Variants in IL12B observed in about 807,000 individuals in gnomAD.
IL12B encodes the protein interleukin 12B, also known as interleukin-12 subunit beta.
IL12B carries 27 observed loss-of-function variants against 39.2 expected under a neutral mutation model. The observed-to-expected ratio is 0.69, with a 90% CI of 0.51 to 0.95. The LOEUF is 0.95. Among genes scored for constraint, IL12B ranks in the 40% least tolerant of loss-of-function variants. The pLI is 0.00. For synonymous variants in IL12B, 142 were observed against 152.1 expected, an observed-to-expected ratio of 0.93 and a Z score of 0.49; for missense variants, 351 against 397.6, an observed-to-expected ratio of 0.88 and a Z score of 1.00.
chr5:159,318,155 A>G (rs1754019195), intron 6 of IL12B: 1 of 157,920 alleles, frequency 6.3e-6, no homozygotes, highest in South Asian at 1.9e-4. Context: ...ACCTTGCCAC[A>G]GTTTCTGGAA....
Position 159,324,119 on chromosome 5 carries a change from T to TA in IL12B, c.89-791_89-790insT, listed in dbSNP as rs1754149768. ...GCATTATTATTATTATTATTATTAT[T>TA]TTTAGCTATCTTACACTCTTATGAA... On this transcript the variant is annotated intron_variant, in intron 2 of 7. Transcript: ENST00000231228. Among the ~76,000 whole-genome samples the TA allele has an allele frequency of 3.3e-5, 5 of 151,464 alleles. 1 individual carries two copies. Among genetic ancestry groups the TA allele is most frequent in the South Asian group, 2.1e-4 (1 of 4,788 alleles).
chr5:159,326,769 T>A lies in IL12B; in HGVS notation c.14A>T (p.Gln5Leu). The stretch of plus-strand genomic sequence containing the variant: ...CAGGGAAAACCAAGAGATGACCAAC[T>A]GCTGGTGACACATCTATAAGAAGGG... MCHQ[Q>L]LVISWFSLVF... Residue 5 changes from glutamine (Q) to leucine (L), a missense_variant, in exon 2 of 8, where the codon CAG (glutamine) becomes CTG (leucine). Gln to Leu is a moderately radical substitution (Grantham distance 113, BLOSUM62 -2). Transcript: ENST00000231228. 6.2e-7 allele frequency: 1 copy of A among 1,609,034 alleles called. No individual in the cohort carries two copies. The highest frequency in any genetic ancestry group is 8.5e-7 in the Non-Finnish European group (1 of 1,175,638).
chr5:159,322,273 A>C, intron 4 of IL12B, 121 bp downstream of exon 4: 2 of 777,564 alleles, frequency 2.6e-6, no homozygotes, highest in Non-Finnish European at 4.6e-6. Context: ...GGTTGAAAAA[A>C]CACGGGTTTG....
rs3213087 is a variant in IL12B at position 159,328,080 on chromosome 5, C to T, written c.1-1298G>A. ...AAATGAGCATTCCTGGGTTGGGTGA[C>T]GGAATATTGACAAATTACAGCTTTG... is the stretch of plus-strand genomic sequence containing the variant. On this transcript the variant is annotated intron_variant, in intron 1 of 7. Coordinates refer to ENST00000231228, the MANE Select transcript of IL12B (RefSeq NM_002187.3). 1.1e-3 allele frequency among the ~76,000 whole-genome samples: 174 copies of T among 152,234 alleles called. 2 individuals are homozygous for T. Among genetic ancestry groups the T allele is most frequent in the African/African-American group, 3.3e-3 (139 of 41,534 alleles).
At chr5:159,329,810 A>C (rs1448613356) in intron 1 of IL12B, among the ~76,000 whole-genome samples, 1 of 152,112 alleles carries the variant, frequency 6.6e-6, no homozygotes, top group East Asian at 1.9e-4. Context: ...AAGTAAAAAA[A>C]CCTTTTTTTC....
intron 5 of IL12B, 28 bp downstream of exon 5, chr5:159,320,278 G>A (rs1371612612): frequency 6.3e-7 from 1 of 1,577,302 alleles, no homozygotes; most frequent in Admixed American, 1.7e-5. Flanking sequence ...CTTTCCTTAT[G>A]GAGCACATAT....
chr5:159,329,274 T>A (rs1754240012), intron 1 of IL12B, among the ~76,000 whole-genome samples: 1 of 152,156 alleles, frequency 6.6e-6, no homozygotes, highest in Non-Finnish European at 1.5e-5. Context: ...CATGCAAAGA[T>A]CCCTAGTTTG....
rs780376200 is a variant in IL12B at position 159,322,509 on chromosome 5, G to C, written c.367C>G (p.Pro123Ala). 2 of 1,606,504 alleles carry C rather than the reference G, an allele frequency of 1.2e-6. No homozygotes were observed. Among genetic ancestry groups the C allele is most frequent in the Non-Finnish European group, 1.7e-6 (2 of 1,173,120 alleles). Reference protein sequence around the residue: ...STDILKDQKEPKNKTFLRCEA... With the variant: ...STDILKDQKEAKNKTFLRCEA... ...CATCTTAGAAAGGTCTTATTTTTGG[G>C]TTCTGGATTTGAAAAAAACAAAAAT... The change falls in exon 4 of 8, where the codon CCC becomes GCC. Residue 123 changes from proline (P) to alanine (A), a missense_variant and splice_region_variant. Transcript: ENST00000231228.
intron 6 of IL12B, among the ~76,000 whole-genome samples, chr5:159,317,878 A>C (rs1487489524): frequency 1.3e-5 from 2 of 152,216 alleles, no homozygotes; most frequent in African/African-American, 4.8e-5. Context: ...ATCAATGACC[A>C]ACATCAGAGG....
intron 3 of IL12B, 69 bp downstream of exon 3, chr5:159,322,985 T>G: frequency 3.4e-6 from 5 of 1,451,092 alleles, no homozygotes; most frequent in Non-Finnish European, 3.9e-6. Flanking sequence ...TTTCAATTTG[T>G]TGTTGTTGTT....
At chr5:159,329,637 G>A (rs1054407637) in intron 1 of IL12B, among the ~76,000 whole-genome samples, 1 of 151,836 alleles carries the variant, frequency 6.6e-6, no homozygotes, top group Non-Finnish European at 1.5e-5. Flanking sequence ...AGGAATGTAC[G>A]GAAATCATAC....
chr5:159,320,331 G>T lies in IL12B; in HGVS notation c.672C>A (p.Thr224=). The change falls in exon 5 of 8, where the codon ACC becomes ACA. Residue 224 remains threonine, a synonymous_variant. Transcript: ENST00000231228. Reference sequence around the variant, plus strand: ...TGATGTCCCTGATGAAGAAGCTGCTGGTGTAGTTTTCATACTTGAGCTTGT... The same window carrying T: ...TGATGTCCCTGATGAAGAAGCTGCTTGTGTAGTTTTCATACTTGAGCTTGT... ...AVHKLKYENY[T]SSFFIRDIIK... 6.2e-7 allele frequency: 1 copy of T among 1,614,014 alleles called. No homozygotes were observed. Among genetic ancestry groups the T allele is most frequent in the Admixed American group, 1.7e-5 (1 of 60,018 alleles).
intron 2 of IL12B, among the ~76,000 whole-genome samples, 185 bp downstream of exon 2, chr5:159,326,510 C>A (rs922136196): frequency 3.3e-5 from 5 of 152,078 alleles, no homozygotes; most frequent in Non-Finnish European, 5.9e-5. Context: ...ATGTGAAAAC[C>A]AAACAATATA....
In IL12B at chr5:159,318,809, G is replaced by C; in HGVS notation, c.782C>G (p.Thr261Ser). The change falls in exon 6 of 8, where the codon ACC becomes AGC. Residue 261 changes from threonine (T) to serine (S), a missense_variant. Coordinates refer to ENST00000231228, the MANE Select transcript of IL12B (RefSeq NM_002187.3). ...GAAGTAGGAATGTGGAGTACTCCAG[G>C]TGTCAGGGTACTCCCAGCTGACCTC... The part of the protein sequence containing the change: ...QVEVSWEYPD[T>S]WSTPHSYFSL... The C allele has an allele frequency of 2.5e-6, 4 of 1,613,086 alleles. No homozygotes were observed. The highest frequency in any genetic ancestry group is 3.4e-6 in the Non-Finnish European group (4 of 1,179,048).
intron 2 of IL12B, among the ~76,000 whole-genome samples, chr5:159,326,203 T>C (rs2113034888): frequency 6.6e-6 from 1 of 152,302 alleles, no homozygotes; most frequent in Non-Finnish European, 1.5e-5. Context: ...TAAAGTCACA[T>C]AACCAGTCAT....
At chr5:159,320,584 G>T in intron 4 of IL12B, 64 bp from the exon 5 acceptor site, 2 of 1,368,896 alleles carry the variant, frequency 1.5e-6, no homozygotes, top group South Asian at 1.2e-5. Flanking sequence ...AGTGATTGTA[G>T]CCAGTAAGGC....
At chr5:159,317,876 C>A (rs2113023508) in intron 6 of IL12B, among the ~76,000 whole-genome samples, 1 of 152,336 alleles carries the variant, frequency 6.6e-6, no homozygotes. Flanking sequence ...AGATCAATGA[C>A]CAACATCAGA....
chr5:159,322,623 TG>T (rs1271849257), intron 3 of IL12B, 112 bp from the exon 4 acceptor site: 1 of 761,116 alleles, frequency 1.3e-6, no homozygotes, highest in Non-Finnish European at 2.3e-6. Context: ...TTCCATGCGT[TG>T]CCTCTTGGGT....
chr5:159,327,108 A>C (rs1480513537), intron 1 of IL12B, among the ~76,000 whole-genome samples: 1 of 152,166 alleles, frequency 6.6e-6, no homozygotes, highest in Non-Finnish European at 1.5e-5. Flanking sequence ...AAGATGAGAA[A>C]CTTAAAGCTT....
Sources: allele counts gnomAD v4.1 joint callset (sites outside exome capture counted in the v4.1 genomes callset), GRCh38; gene constraint gnomAD v4.1.1; transcripts MANE v1.5; gene names NCBI Gene and HGNC (gene_info 2026-07-23, HGNC 2026-07-21).